BCAS3: variants seen among roughly 807,000 people sequenced by gnomAD.
The protein encoded by BCAS3 is BCAS3 microtubule associated cell migration factor, also known as BCAS4/BCAS3 fusion.
A neutral mutation model predicts 116.1 loss-of-function variants in BCAS3; 53 were observed. The observed-to-expected ratio is 0.46, with a 90% CI of 0.37 to 0.57. The LOEUF (loss-of-function observed/expected upper bound fraction) is 0.57, where lower values mean the gene tolerates loss of function less well. Among genes scored for constraint, BCAS3 ranks in the 20% least tolerant of loss-of-function variants. The probability of loss-of-function intolerance (pLI) is 0.00; values close to 1 mark genes in which losing one functional copy is unlikely to be tolerated. For synonymous variants in BCAS3, 391 were observed against 408.2 expected (o/e 0.96, Z 0.51); for missense variants, 917 against 1,165.4 (o/e 0.79, Z 3.10).
At chr17:61,295,337 G>A (rs1015785308) in intron 22 of BCAS3, among the ~76,000 whole-genome samples, 3 of 152,344 alleles carry the variant, frequency 2.0e-5, no homozygotes, top group Non-Finnish European at 4.4e-5. Context: ...GCAAAGAGGC[G>A]TTGGTGATGG....
intron 22 of BCAS3, among the ~76,000 whole-genome samples, chr17:61,177,224 G>C (rs1286648748): frequency 6.6e-6 from 1 of 152,036 alleles, no homozygotes; most frequent in East Asian, 1.9e-4. Context: ...AGAAATGAAG[G>C]CATTTGTCCA....
chr17:61,064,863 C>G (rs992917270), intron 19 of BCAS3, among the ~76,000 whole-genome samples: 5 of 152,116 alleles, frequency 3.3e-5, no homozygotes, highest in African/African-American at 9.7e-5. Flanking sequence ...GTAGATAAAG[C>G]TTGTTCCCCT....
intron 22 of BCAS3, among the ~76,000 whole-genome samples, chr17:61,303,719 C>T (rs1458898944): frequency 6.6e-6 from 1 of 152,150 alleles, no homozygotes; most frequent in Admixed American, 6.5e-5. Context: ...GATATTTCCC[C>T]ATCCCTTTTG....
chr17:60,750,822 A>G (rs1008947895), intron 6 of BCAS3, among the ~76,000 whole-genome samples: 1 of 152,182 alleles, frequency 6.6e-6, no homozygotes, highest in Non-Finnish European at 1.5e-5. Context: ...TTCCTCTTCT[A>G]GAATACTTAT....
intron 22 of BCAS3, among the ~76,000 whole-genome samples, chr17:61,317,994 C>T (rs765919822): frequency 2.4e-4 from 37 of 152,278 alleles, no homozygotes; most frequent in Admixed American, 5.2e-4. Context: ...GCAGGCGTAA[C>T]GCGTAGGACC....
At chr17:60,965,808 G>T (rs947382509) in intron 14 of BCAS3, among the ~76,000 whole-genome samples, 6 of 152,320 alleles carry the variant, frequency 3.9e-5, no homozygotes, top group African/African-American at 1.4e-4. Flanking sequence ...TAAAGAAAAT[G>T]TATGCTGCAG....
In BCAS3 at chr17:61,364,023, C is replaced by T. The variant is rs1025356668; in HGVS notation, c.2426-4304C>T. 6.6e-6 allele frequency among the ~76,000 whole-genome samples: 1 copy of T among 152,188 alleles called. No homozygotes were observed. The highest frequency in any genetic ancestry group is 1.5e-5 in the Non-Finnish European group (1 of 68,040). Reference sequence around the variant, plus strand: ...AGATTCCAGGAGCACCTTTGCTGTCCTCAGCAAAGAGGCTACGAGGTGTGG... The same window carrying T: ...AGATTCCAGGAGCACCTTTGCTGTCTTCAGCAAAGAGGCTACGAGGTGTGG... On this transcript the variant is annotated intron_variant, in intron 22 of 23. Coordinates refer to ENST00000407086, the MANE Select transcript of BCAS3 (RefSeq NM_017679.5). The surrounding 1 kb of genome is among the most constrained non-coding windows in gnomAD (Gnocchi z 5.4).
chr17:61,271,549 G>T (rs1236140214), intron 22 of BCAS3, among the ~76,000 whole-genome samples: 1 of 149,306 alleles, frequency 6.7e-6, no homozygotes, highest in Non-Finnish European at 1.5e-5. Context: ...TCAGCCTCCT[G>T]GGTAGCTGGG....
chr17:61,123,527 C>T (rs1421252612), intron 22 of BCAS3, among the ~76,000 whole-genome samples: 1 of 152,070 alleles, frequency 6.6e-6, no homozygotes, highest in African/African-American at 2.4e-5. Context: ...TTGAGCAAAC[C>T]CAGCCCTATT....
intron 22 of BCAS3, among the ~76,000 whole-genome samples, chr17:61,216,636 C>T (rs927256134): frequency 2.0e-5 from 3 of 151,640 alleles, no homozygotes; most frequent in Non-Finnish European, 4.4e-5. Flanking sequence ...CTCCATCTCC[C>T]GGGTTCAAGC....
chr17:61,187,048 A>G (rs988401828), intron 22 of BCAS3, among the ~76,000 whole-genome samples: 1 of 152,212 alleles, frequency 6.6e-6, no homozygotes, highest in Non-Finnish European at 1.5e-5. Context: ...TTTATGCAGT[A>G]CACATTTGAG....
At chr17:60,963,352 A>G (rs1170722587) in intron 14 of BCAS3, among the ~76,000 whole-genome samples, 1 of 151,930 alleles carries the variant, frequency 6.6e-6, no homozygotes, top group African/African-American at 2.4e-5. Context: ...GTATTCTTTG[A>G]TCCATAAGCA....
At chr17:60,977,799 A>G (rs1411183411) in intron 14 of BCAS3, among the ~76,000 whole-genome samples, 1 of 149,758 alleles carries the variant, frequency 6.7e-6, no homozygotes, top group African/African-American at 2.5e-5. Flanking sequence ...ATGATTTCCA[A>G]TTTCATCCAT....
intron 5 of BCAS3, among the ~76,000 whole-genome samples, chr17:60,740,424 G>C (rs2041422092): frequency 6.6e-6 from 1 of 151,172 alleles, no homozygotes; most frequent in African/African-American, 2.4e-5. Context: ...CTTGAGCCCA[G>C]GGGGGCCGAG....
chr17:60,915,687 CT>C (rs372948619), intron 12 of BCAS3, among the ~76,000 whole-genome samples: 36,470 of 135,586 alleles, frequency 0.27, 7,387 homozygotes, highest in African/African-American at 0.64. Flanking sequence ...TTTTTCTTTT[CT>C]TTTTTTTTTT....
At chr17:61,320,154 T>G (rs2055087886) in intron 22 of BCAS3, among the ~76,000 whole-genome samples, 1 of 151,774 alleles carries the variant, frequency 6.6e-6, no homozygotes, top group South Asian at 2.1e-4. Context: ...CCTCCCAAAG[T>G]GCTGGGATTA....
intron 22 of BCAS3, among the ~76,000 whole-genome samples, chr17:61,329,790 C>T (rs184723754): frequency 1.3e-5 from 1 of 75,822 alleles, no homozygotes; most frequent in African/African-American, 3.5e-5. Flanking sequence ...GTCCTCGGCG[C>T]TCACCTCCTC....
In BCAS3 at chr17:61,388,329, A is replaced by C; in HGVS notation, c.2594-3648A>C. On this transcript the variant is annotated intron_variant, in intron 23 of 23. Transcript: ENST00000407086. The surrounding 1 kb of genome is among the most constrained non-coding windows in gnomAD (Gnocchi z 6.5). ...TAGGTCCCCAGCCCTCCCACTTCCT[A>C]AAACTGTTCTTCATGTTGAACCTGT... The C allele has an allele frequency of 5.4e-6, 2 of 371,422 alleles. No homozygotes were observed. The highest frequency in any genetic ancestry group is 3.2e-5 in the South Asian group (1 of 31,034). The allele number at this position is 371,422 out of a possible 1,614,324, so 23.0% of individuals were successfully genotyped here. A position where few individuals can be genotyped will look rare whatever the true frequency, so the allele number is the denominator to read the frequency against.
intron 9 of BCAS3, among the ~76,000 whole-genome samples, chr17:60,877,551 C>G (rs1384567576): frequency 6.6e-6 from 1 of 152,192 alleles, no homozygotes; most frequent in East Asian, 1.9e-4. Context: ...TTCCTGAATA[C>G]TTCCACCTGA....
Sources: allele counts gnomAD v4.1 joint callset (sites outside exome capture counted in the v4.1 genomes callset), GRCh38; gene constraint gnomAD v4.1.1; non-coding constraint Gnocchi (gnomAD v3.1); transcripts MANE v1.5; gene names NCBI Gene and HGNC (gene_info 2026-07-23, HGNC 2026-07-21).